ACOX1: variants seen among roughly 807,000 people sequenced by gnomAD.
ACOX1 encodes acyl-CoA oxidase 1, also known as peroxisomal acyl-coenzyme A oxidase 1.
ACOX1 carries 41 observed loss-of-function variants against 75.5 expected under a neutral mutation model. The observed-to-expected ratio is 0.54, with a 90% CI of 0.42 to 0.70. ACOX1 has a LOEUF of 0.70. ACOX1 is among the 30% of genes least tolerant of loss of function. The probability of loss-of-function intolerance (pLI) is 0.00; values close to 1 mark genes in which losing one functional copy is unlikely to be tolerated. For synonymous variants in ACOX1, 303 were observed against 298.8 expected, an observed-to-expected ratio of 1.01 and a Z score of -0.15; for missense variants, 630 against 837.5, an observed-to-expected ratio of 0.75 and a Z score of 3.06.
At chr17:75,963,900 A>G (rs569899426) in intron 2 of ACOX1, among the ~76,000 whole-genome samples, 2 of 150,144 alleles carry the variant, frequency 1.3e-5, no homozygotes, top group Admixed American at 1.3e-4. Context: ...AAAAAAAAAA[A>G]AGGCCAGGCA....
chr17:75,957,452 C>T lies in ACOX1; in HGVS notation c.538+7G>A, dbSNP rs1196327362. On this transcript the variant is annotated splice_region_variant and intron_variant, in intron 4 of 13. Transcript: ENST00000293217. The stretch of plus-strand genomic sequence containing the variant: ...AACATCCAATAAATGCTGAAAAATT[C>T]ACTTACGCCCACCAGGCCACCATTT... 6.2e-7 allele frequency: 1 copy of T among 1,609,322 alleles called. No individual in the cohort carries two copies. Among genetic ancestry groups the T allele is most frequent in the Non-Finnish European group, 8.5e-7 (1 of 1,175,750 alleles).
At position 75,978,819 on chromosome 17, in the gene ACOX1, G is replaced by T. The variant is rs764653531; in HGVS notation, c.110-126C>A. Reference sequence around the variant, plus strand: ...GGGAATGGCGATATCCCCCCACCAGGGACACAGGCTGTTCCTCGAAGTGGG... The same window carrying T: ...GGGAATGGCGATATCCCCCCACCAGTGACACAGGCTGTTCCTCGAAGTGGG... On this transcript the variant is annotated intron_variant, in intron 1 of 13. Coordinates refer to ENST00000293217, the MANE Select transcript of ACOX1 (RefSeq NM_004035.7). This position sits in a 1 kb window ranked among gnomAD's most constrained non-coding sequence, Gnocchi z 4.2. The T allele has an allele frequency of 7.5e-6, 12 of 1,600,942 alleles. No homozygotes were observed. Among genetic ancestry groups the T allele is most frequent in the Non-Finnish European group, 1.0e-5 (12 of 1,177,446 alleles).
chr17:75,970,342 T>C (rs1310959892), intron 2 of ACOX1, among the ~76,000 whole-genome samples: 2 of 151,980 alleles, frequency 1.3e-5, no homozygotes, highest in Non-Finnish European at 1.5e-5. Flanking sequence ...TAAAGAAACA[T>C]ATGGTCAGGA....
chr17:75,973,334 T>C, intron 2 of ACOX1: 2 of 435,328 alleles, frequency 4.6e-6, no homozygotes, highest in Non-Finnish European at 8.6e-6. Context: ...TCTTTACTCA[T>C]TAGACCCAGA....
chr17:75,953,026 G>A (rs2144246824), intron 7 of ACOX1, among the ~76,000 whole-genome samples: 2 of 152,060 alleles, frequency 1.3e-5, no homozygotes, highest in South Asian at 4.2e-4. Flanking sequence ...ATCAGTGAAA[G>A]GCAGTTGTAG....
At position 75,950,906 on chromosome 17, in the gene ACOX1, A is replaced by T; in HGVS notation, c.1166T>A (p.Ile389Asn). ...AFTSWTANTG[I>N]EACRMACGGH... ...ACCACAAGCCATCCGACATGCTTCA[A>T]TGCCAGTGTTTGCAGTCCAGGAGGT... The change falls in exon 9 of 14, where the codon ATT (isoleucine) becomes AAT (asparagine). Residue 389 changes from isoleucine to asparagine, a missense_variant. By Grantham distance (149) the Ile-to-Asn change is moderately radical. Transcript: ENST00000293217. The surrounding 1 kb of genome is among the most constrained non-coding windows in gnomAD (Gnocchi z 4.3). The T allele has an allele frequency of 6.2e-7, 1 of 1,614,206 alleles. No individual in the cohort carries two copies. The highest frequency in any genetic ancestry group is 8.5e-7 in the Non-Finnish European group (1 of 1,180,034).
intron 7 of ACOX1, 143 bp from the exon 8 acceptor site, chr17:75,951,720 T>C: frequency 1.3e-6 from 1 of 765,668 alleles, no homozygotes; most frequent in Non-Finnish European, 2.1e-6. Context: ...TATTACTATC[T>C]CCATTTTACA....
At chr17:75,965,677 T>TA (rs1429153047) in intron 2 of ACOX1, among the ~76,000 whole-genome samples, 1 of 151,294 alleles carries the variant, frequency 6.6e-6, no homozygotes, top group African/African-American at 2.4e-5. Flanking sequence ...ACTAAAAATT[T>TA]AAAAAATCAA....
At position 75,963,631 on chromosome 17, in the gene ACOX1, G is replaced by C. The variant is rs532457804; in HGVS notation, c.270-3256C>G. Among the ~76,000 whole-genome samples, 51 of 151,932 alleles carry C rather than the reference G, an allele frequency of 3.4e-4. 1 individual carries two copies. In the East Asian group the frequency reaches 9.7e-3, roughly 29 times the overall value. ...GAAGAATCCTTGAACCCGGGAGGCGGAGGCTGCAGTGAACGGAGATCGTGC... is the reference window on the plus strand; with the variant it reads ...GAAGAATCCTTGAACCCGGGAGGCGCAGGCTGCAGTGAACGGAGATCGTGC... On this transcript the variant is annotated intron_variant, in intron 2 of 13. Coordinates refer to ENST00000293217, the MANE Select transcript of ACOX1 (RefSeq NM_004035.7).
Position 75,960,474 on chromosome 17 carries a change from T to C in ACOX1, c.270-99A>G. ...AGCAAGGGAAGGAGACAAAAAAACC[T>C]TAAGTATGAATTAGTTGCGTGCACT... On this transcript the variant is annotated intron_variant, in intron 2 of 13. Coordinates refer to ENST00000293217, the MANE Select transcript of ACOX1 (RefSeq NM_004035.7). This position sits in a 1 kb window ranked among gnomAD's most constrained non-coding sequence, Gnocchi z 4.4. 7.8e-7 allele frequency: 1 copy of C among 1,288,444 alleles called. No individual in the cohort carries two copies. The highest frequency in any genetic ancestry group is 1.1e-6 in the Non-Finnish European group (1 of 916,194). The allele number at this position is 1,288,444 out of a possible 1,614,324, so 79.8% of individuals were successfully genotyped here. A position where few individuals can be genotyped will look rare whatever the true frequency, so the allele number is the denominator to read the frequency against.
rs1172986710 is a variant in ACOX1 at position 75,944,910 on chromosome 17, T to A, written c.*1838A>T. 6.6e-6 allele frequency: 1 copy of A among 152,066 alleles called. No homozygotes were observed. The highest frequency in any genetic ancestry group is 2.4e-5 in the African/African-American group (1 of 41,412). 9.4% of individuals were successfully genotyped at this position (152,066 alleles called of 1,614,324 possible). A position where few individuals can be genotyped will look rare whatever the true frequency, so the allele number is the denominator to read the frequency against. On this transcript the variant is annotated 3_prime_UTR_variant, in exon 14 of 14. Coordinates refer to ENST00000293217, the MANE Select transcript of ACOX1 (RefSeq NM_004035.7). ...GCGTGCTACCACCATGCCCAGCTAA[T>A]TTTTGTATTTTTTTCAGTAGAGACG...
At chr17:75,947,254 T>TG (rs1464470369) in intron 13 of ACOX1, among the ~76,000 whole-genome samples, 1 of 151,534 alleles carries the variant, frequency 6.6e-6, no homozygotes, top group Non-Finnish European at 1.5e-5. Flanking sequence ...CTTAGTTTTT[T>TG]TTTTTTTTTT....
rs1238242596 is a variant in ACOX1 at position 75,950,096 on chromosome 17, A to G, written c.1299-199T>C. On this transcript the variant is annotated intron_variant, in intron 9 of 13. Coordinates refer to ENST00000293217, the MANE Select transcript of ACOX1 (RefSeq NM_004035.7). This position sits in a 1 kb window ranked among gnomAD's most constrained non-coding sequence, Gnocchi z 4.3. Reference sequence around the variant, plus strand: ...GTAGCTGGGACTACAGGCACCTGCCACCATTCCTGGCTAATTTTTAATATT... The same window carrying G: ...GTAGCTGGGACTACAGGCACCTGCCGCCATTCCTGGCTAATTTTTAATATT... Among the ~76,000 whole-genome samples, 1 of 150,900 alleles carries G rather than the reference A, an allele frequency of 6.6e-6. No individual in the cohort carries two copies. The highest frequency in any genetic ancestry group is 2.0e-4 in the East Asian group (1 of 5,120).
intron 2 of ACOX1, among the ~76,000 whole-genome samples, chr17:75,967,931 G>T (rs1452836510): frequency 6.7e-6 from 1 of 149,478 alleles, no homozygotes; most frequent in Non-Finnish European, 1.5e-5. Flanking sequence ...GTACAGACAG[G>T]TTTCACCATG....
intron 2 of ACOX1, chr17:75,973,676 A>G (rs1231578296): frequency 3.1e-6 from 5 of 1,614,192 alleles, no homozygotes; most frequent in Non-Finnish European, 1.7e-6. Flanking sequence ...AGTCCTTTGG[A>G]TGAAAGCAGC....
At chr17:75,966,714 C>T (rs1164900680) in intron 2 of ACOX1, among the ~76,000 whole-genome samples, 16 of 151,794 alleles carry the variant, frequency 1.1e-4, no homozygotes, top group Admixed American at 9.9e-4. Context: ...GAGGTAGAAT[C>T]GCTTGAATCC....
intron 2 of ACOX1, among the ~76,000 whole-genome samples, chr17:75,961,320 A>T (rs1005431997): frequency 9.3e-5 from 14 of 150,662 alleles, no homozygotes; most frequent in African/African-American, 2.9e-4. Context: ...GAGAGAGAGA[A>T]TTTGAAAAGT....
At chr17:75,949,180 C>A (rs1463939263) in intron 12 of ACOX1, 37 bp downstream of exon 12, 2 of 1,613,074 alleles carry the variant, frequency 1.2e-6, no homozygotes, top group Non-Finnish European at 1.7e-6. Context: ...TTTCTTAAAA[C>A]AACAACAAAA....
intron 12 of ACOX1, 88 bp downstream of exon 12, chr17:75,949,129 G>C (rs910484148): frequency 4.0e-6 from 6 of 1,516,556 alleles, no homozygotes; most frequent in Non-Finnish European, 5.5e-6. Context: ...CAAAGTGCTG[G>C]GATTACAGGC....
Sources: allele counts gnomAD v4.1 joint callset (sites outside exome capture counted in the v4.1 genomes callset), GRCh38; gene constraint gnomAD v4.1.1; non-coding constraint Gnocchi (gnomAD v3.1); transcripts MANE v1.5; gene names NCBI Gene and HGNC (gene_info 2026-07-23, HGNC 2026-07-21).